ECD: variants seen among roughly 807,000 people sequenced by gnomAD.
ECD encodes the protein ecdysoneless cell cycle regulator, also known as protein ecdysoneless homolog.
ECD carries 59 observed loss-of-function variants against 77.2 expected under a neutral mutation model. The observed-to-expected ratio is 0.76, with a 90% CI of 0.62 to 0.95. ECD has a LOEUF of 0.95. Ranked by LOEUF, ECD falls within the 40% of genes least tolerant of loss-of-function variation. ECD has a pLI of 0.00. For missense variants in ECD, 704 were observed against 763.4 expected (o/e 0.92, Z 0.92); for synonymous variants, 233 against 267.4 (o/e 0.87, Z 1.26).
chr10:73,146,862 G>A (rs959308150), intron 8 of ECD, among the ~76,000 whole-genome samples: 2 of 152,036 alleles, frequency 1.3e-5, no homozygotes, highest in Non-Finnish European at 2.9e-5. Flanking sequence ...AATAAAAAAT[G>A]GCAAAATCCC....
At position 73,156,590 on chromosome 10, in the gene ECD, T is replaced by C; in HGVS notation, c.389A>G (p.Asp130Gly). ...EAADFLPKWL[D>G]PENSTNRVFF... ...TACCCTATTGGTGCTATTTTCAGGA[T>C]CCAGCCATTTAGGGAGAAAGTCAGC... Residue 130 changes from aspartate to glycine, a missense_variant, in exon 4 of 14, where the codon GAT (aspartate) becomes GGT (glycine). By Grantham distance (94) the Asp-to-Gly change is moderately conservative (BLOSUM62 -1). Around this residue, in one of 3 missense-constraint regions of ECD, gnomAD observed 559 missense variants for 583.7 expected, o/e 0.96. Transcript: ENST00000372979. The C allele has an allele frequency of 6.2e-7, 1 of 1,614,182 alleles. No homozygotes were observed. Among genetic ancestry groups the C allele is most frequent in the Non-Finnish European group, 8.5e-7 (1 of 1,180,042 alleles).
intron 3 of ECD, among the ~76,000 whole-genome samples, chr10:73,159,545 A>C (rs1843346614): frequency 6.6e-6 from 1 of 151,438 alleles, no homozygotes; most frequent in African/African-American, 2.4e-5. Context: ...TACCACATGT[A>C]TTTGTTTTTT....
intron 2 of ECD, among the ~76,000 whole-genome samples, chr10:73,163,236 C>T (rs1180186948): frequency 6.6e-6 from 1 of 152,130 alleles, no homozygotes; most frequent in Non-Finnish European, 1.5e-5. Flanking sequence ...GAAGAAACCT[C>T]AAAATGCTTG....
At position 73,160,428 on chromosome 10, in the gene ECD, C is replaced by T. The variant is rs367716497; in HGVS notation, c.323+6G>A. ...TCCTTTAGAATAATTAAAATAACTA[C>T]AATACCTTGCTACTAACTCTGGAAA... On this transcript the variant is annotated splice_donor_region_variant and intron_variant, in intron 3 of 13. Coordinates refer to ENST00000372979, the MANE Select transcript of ECD (RefSeq NM_007265.3). 3.5e-5 allele frequency: 54 copies of T among 1,562,104 alleles called. No homozygotes were observed. The African/African-American group carries it at 6.6e-4, about 19-fold the overall frequency.
intron 3 of ECD, among the ~76,000 whole-genome samples, chr10:73,160,158 C>T (rs1164350342): frequency 7.9e-5 from 12 of 151,266 alleles, no homozygotes; most frequent in African/African-American, 2.2e-4. Flanking sequence ...TGGTGGTGCA[C>T]GCCTGTAATC....
chr10:73,142,760 TTC>T (rs1159708355), intron 9 of ECD, among the ~76,000 whole-genome samples: 2 of 152,174 alleles, frequency 1.3e-5, no homozygotes, highest in Middle Eastern at 3.4e-3. Flanking sequence ...TTCGGCACTT[TTC>T]TCTCTCTCTG....
Position 73,163,876 on chromosome 10 carries a change from A to G in ECD, c.62T>C (p.Ile21Thr). 1.9e-6 allele frequency: 3 copies of G among 1,614,216 alleles called. No individual in the cohort carries two copies. Among genetic ancestry groups the G allele is most frequent in the Admixed American group, 1.7e-5 (1 of 60,026 alleles). The change falls in exon 2 of 14, where the codon ATA (isoleucine) becomes ACA (threonine). Residue 21 changes from isoleucine (I) to threonine (T), a missense_variant. This residue lies in a region of ECD where 559 missense variants were observed against 583.7 expected (regional missense o/e 0.96). Coordinates refer to ENST00000372979, the MANE Select transcript of ECD (RefSeq NM_007265.3). ...EDTVEYCLFL[I>T]PDESRDSDKH... ...ATCTGAGTCCCTTGACTCATCTGGT[A>G]TCAGGAACAGGCAGTACTCCACTGT...
At chr10:73,154,551 G>T in intron 5 of ECD, 103 bp from the exon 6 acceptor site, 2 of 1,093,954 alleles carry the variant, frequency 1.8e-6, no homozygotes, top group Non-Finnish European at 2.5e-6. Context: ...ATCAAGAGCA[G>T]TACGTAGAGA....
intron 9 of ECD, among the ~76,000 whole-genome samples, chr10:73,145,473 C>T (rs889018399): frequency 2.0e-5 from 3 of 151,942 alleles, no homozygotes; most frequent in African/African-American, 7.3e-5. Flanking sequence ...AACAACAGGT[C>T]TGGAGGGAGA....
At chr10:73,144,173 G>A (rs896629594) in intron 9 of ECD, among the ~76,000 whole-genome samples, 1 of 152,082 alleles carries the variant, frequency 6.6e-6, no homozygotes, top group Non-Finnish European at 1.5e-5. Flanking sequence ...CTAGATAGCA[G>A]GCTATCATAT....
intron 10 of ECD, 34 bp downstream of exon 10, chr10:73,139,597 T>A: frequency 6.4e-7 from 1 of 1,572,470 alleles, no homozygotes; most frequent in Non-Finnish European, 8.6e-7. Flanking sequence ...TTTTTTTTTT[T>A]AACCCTTCCA....
chr10:73,135,407 G>A (rs939415150), intron 13 of ECD, among the ~76,000 whole-genome samples: 11 of 152,170 alleles, frequency 7.2e-5, no homozygotes, highest in South Asian at 2.1e-4. Context: ...AGTCTCCATC[G>A]CTTGGGGCTT....
chr10:73,165,275 C>G (rs2133278024), intron 1 of ECD, among the ~76,000 whole-genome samples: 1 of 152,236 alleles, frequency 6.6e-6, no homozygotes, highest in African/African-American at 2.4e-5. Context: ...GTCATTTTAC[C>G]TCTGTCCTAA....
chr10:73,163,608 A>T, intron 2 of ECD, 125 bp downstream of exon 2: 3 of 815,640 alleles, frequency 3.7e-6, no homozygotes, highest in Non-Finnish European at 3.8e-6. Context: ...AGTATTACTC[A>T]TCTAAAAAGT....
In ECD at chr10:73,163,925, T is replaced by C. The variant is rs761027313; in HGVS notation, c.13A>G (p.Met5Val). MEETMKLATMEDTVE... is the reference protein window; with the variant it reads MEETVKLATMEDTVE... Reference sequence around the variant, plus strand: ...GTGTCTTCCATCGTAGCAAGCTTCATGGTTTCTTCCATTCTTCTTTGAAAA... The same window carrying C: ...GTGTCTTCCATCGTAGCAAGCTTCACGGTTTCTTCCATTCTTCTTTGAAAA... The change falls in exon 2 of 14, where the codon ATG becomes GTG. Residue 5 changes from methionine (M) to valine (V), a missense_variant. Met to Val is a conservative substitution (Grantham distance 21). Coordinates refer to ENST00000372979, the MANE Select transcript of ECD (RefSeq NM_007265.3). 7.4e-6 allele frequency: 12 copies of C among 1,614,082 alleles called. No individual in the cohort carries two copies. The South Asian group carries it at 8.8e-5, about 12-fold the overall frequency.
chr10:73,148,348 C>T lies in ECD; in HGVS notation c.969G>A (p.Lys323=), dbSNP rs376051024. 3.1e-6 allele frequency: 5 copies of T among 1,613,776 alleles called. No homozygotes were observed. Among genetic ancestry groups the T allele is most frequent in the Non-Finnish European group, 4.2e-6 (5 of 1,179,894 alleles). ...GTGGTGAGGCAGTCACAAGGGATTT[C>T]TTGCAGTCAGAAAAATGTGGGCTAC... ...SKCSPHFSDC[K]KSLVTASPLW... Residue 323 remains lysine, a synonymous_variant, in exon 8 of 14, where the codon AAG becomes AAA. Transcript: ENST00000372979.
In ECD at chr10:73,152,274, T is replaced by A; in HGVS notation, c.912+19A>T. On this transcript the variant is annotated intron_variant, in intron 7 of 13. Transcript: ENST00000372979. ...ATTTACATAAAGAAAGGAAACAACA[T>A]TTTCTGGTTCAACATTACCAATTTC... is the stretch of plus-strand genomic sequence containing the variant. 1 of 1,608,804 alleles carries A rather than the reference T, an allele frequency of 6.2e-7. No individual in the cohort carries two copies. The highest frequency in any genetic ancestry group is 8.5e-7 in the Non-Finnish European group (1 of 1,176,000).
intron 3 of ECD, among the ~76,000 whole-genome samples, chr10:73,159,261 T>C (rs1843343044): frequency 1.3e-5 from 2 of 152,272 alleles, no homozygotes; most frequent in Admixed American, 1.3e-4. Context: ...CGTGGTTAAT[T>C]ACAGAAAACC....
At chr10:73,142,273 T>G (rs1378352524) in intron 9 of ECD, among the ~76,000 whole-genome samples, 1 of 151,986 alleles carries the variant, frequency 6.6e-6, no homozygotes, top group Non-Finnish European at 1.5e-5. Flanking sequence ...TCTCCCAAAG[T>G]GCTGGGATTA....
Sources: gnomAD v4.1 joint callset for allele counts (sites outside exome capture counted in the v4.1 genomes callset) on GRCh38, gnomAD v4.1.1 for gene constraint, gnomAD v4.1.1 regional missense constraint, MANE v1.5 for transcripts, NCBI Gene and HGNC (gene_info 2026-07-23, HGNC 2026-07-21) for gene names.